SLIT2: variants seen among roughly 807,000 people sequenced by gnomAD.
The protein encoded by SLIT2 is slit guidance ligand 2, also known as slit homolog 2 protein.
In SLIT2, 41 loss-of-function variants were observed where a neutral mutation model predicts 185.7. That is an observed-to-expected ratio of 0.22 (90% CI 0.17 to 0.29). The LOEUF (loss-of-function observed/expected upper bound fraction) is 0.29, where lower values mean the gene tolerates loss of function less well. SLIT2 is among the 10% of genes least tolerant of loss of function. The pLI is 1.00. For missense variants in SLIT2, 1,571 were observed against 1,909.0 expected, an observed-to-expected ratio of 0.82 and a Z score of 3.30; for synonymous variants, 693 against 680.2, an observed-to-expected ratio of 1.02 and a Z score of -0.29.
intron 5 of SLIT2, among the ~76,000 whole-genome samples, chr4:20,480,241 A>C (rs1372959176): frequency 1.3e-5 from 2 of 152,182 alleles, no homozygotes; most frequent in Non-Finnish European, 2.9e-5. Flanking sequence ...TAAAAGAAGG[A>C]AACCTAAAAG....
At chr4:20,409,519 C>T (rs1727034961) in intron 4 of SLIT2, among the ~76,000 whole-genome samples, 1 of 152,106 alleles carries the variant, frequency 6.6e-6, no homozygotes, top group African/African-American at 2.4e-5. Context: ...GTGAATAGGG[C>T]TTCAGTGAAT....
intron 4 of SLIT2, among the ~76,000 whole-genome samples, chr4:20,324,567 C>T (rs1302400484): frequency 6.6e-6 from 1 of 152,084 alleles, no homozygotes; most frequent in Non-Finnish European, 1.5e-5. Context: ...ATCTGTTGTA[C>T]AGCGTGATGA....
intron 9 of SLIT2, 28 bp downstream of exon 9, chr4:20,491,927 C>G: frequency 6.2e-7 from 1 of 1,603,766 alleles, no homozygotes; most frequent in Non-Finnish European, 8.5e-7. Flanking sequence ...TTTCTTATCT[C>G]CCCACCTTCC....
At chr4:20,295,733 CAAT>C (rs1716394777) in intron 4 of SLIT2, among the ~76,000 whole-genome samples, 1 of 151,940 alleles carries the variant, frequency 6.6e-6, no homozygotes, top group Non-Finnish European at 1.5e-5. Context: ...TTGCTGTGCA[CAAT>C]GATTTATTTA....
intron 9 of SLIT2, among the ~76,000 whole-genome samples, chr4:20,494,798 A>G: frequency 6.6e-6 from 1 of 152,030 alleles, no homozygotes; most frequent in Non-Finnish European, 1.5e-5. Context: ...AAAAAGTACT[A>G]AAATAATACA....
At chr4:20,491,993 C>T in intron 9 of SLIT2, 94 bp downstream of exon 9, 1 of 1,213,862 alleles carries the variant, frequency 8.2e-7, no homozygotes, top group South Asian at 1.4e-5. Flanking sequence ...GAAGGCACAT[C>T]TGATCAATTG....
intron 26 of SLIT2, chr4:20,554,339 A>G (rs916014663): frequency 1.3e-5 from 6 of 461,182 alleles, no homozygotes; most frequent in African/African-American, 1.2e-4. Flanking sequence ...TCCTCATACC[A>G]GGTAAGGAGA....
chr4:20,372,094 G>GT (rs1723632018), intron 4 of SLIT2, among the ~76,000 whole-genome samples: 1 of 152,116 alleles, frequency 6.6e-6, no homozygotes, highest in African/African-American at 2.4e-5. Flanking sequence ...CACTTTTAGA[G>GT]TTTAACATCT....
chr4:20,589,576 G>T, intron 29 of SLIT2, 68 bp from the exon 30 acceptor site: 2 of 1,181,408 alleles, frequency 1.7e-6, no homozygotes, highest in South Asian at 2.5e-5. Flanking sequence ...CCATGACAAT[G>T]ACACAGTCTG....
At chr4:20,616,557 G>A in intron 34 of SLIT2, 1 of 174,014 alleles carries the variant, frequency 5.7e-6, no homozygotes, top group Non-Finnish European at 1.2e-5. Context: ...CAAACAGAGA[G>A]GGAACATTCC....
intron 4 of SLIT2, among the ~76,000 whole-genome samples, chr4:20,380,425 A>G (rs536768472): frequency 2.0e-5 from 3 of 152,320 alleles, no homozygotes; most frequent in South Asian, 4.1e-4. Flanking sequence ...GCAGGAAATA[A>G]GACCCATAAA....
At chr4:20,329,452 G>A (rs901362941) in intron 4 of SLIT2, among the ~76,000 whole-genome samples, 2 of 151,958 alleles carry the variant, frequency 1.3e-5, no homozygotes, top group Admixed American at 6.6e-5. Flanking sequence ...TTTACCACAG[G>A]TGTTTGTTGA....
At chr4:20,410,230 T>A (rs1231341480) in intron 4 of SLIT2, among the ~76,000 whole-genome samples, 1 of 143,956 alleles carries the variant, frequency 6.9e-6, no homozygotes, top group Non-Finnish European at 1.5e-5. Context: ...GTTTTTTTTC[T>A]TTTCTTTCTT....
chr4:20,434,474 C>G (rs545448215), intron 4 of SLIT2, among the ~76,000 whole-genome samples: 2 of 151,710 alleles, frequency 1.3e-5, no homozygotes, highest in Non-Finnish European at 2.9e-5. Context: ...GCAACAAGAG[C>G]GAAACTCTGT....
intron 4 of SLIT2, among the ~76,000 whole-genome samples, chr4:20,439,776 C>T (rs915388081): frequency 4.6e-5 from 7 of 152,010 alleles, no homozygotes; most frequent in South Asian, 2.1e-4. Context: ...TATCTGAACC[C>T]GTACAAAGAT....
At chr4:20,429,209 C>G (rs1400474084) in intron 4 of SLIT2, among the ~76,000 whole-genome samples, 1 of 152,066 alleles carries the variant, frequency 6.6e-6, no homozygotes, top group East Asian at 1.9e-4. Flanking sequence ...AAGACTTGTT[C>G]TCGGTGCGAG....
At chr4:20,393,966 G>T (rs1043236411) in intron 4 of SLIT2, among the ~76,000 whole-genome samples, 9 of 151,944 alleles carry the variant, frequency 5.9e-5, no homozygotes, top group Non-Finnish European at 1.0e-4. Context: ...GTTGTGGTTG[G>T]ATCTGTATGC....
chr4:20,417,676 C>T (rs886693037), intron 4 of SLIT2, among the ~76,000 whole-genome samples: 64 of 151,814 alleles, frequency 4.2e-4, no homozygotes, highest in African/African-American at 1.4e-3. Context: ...CGCACCACCA[C>T]GCCCAGCTAA....
chr4:20,351,237 C>T (rs903752508), intron 4 of SLIT2, among the ~76,000 whole-genome samples: 19 of 151,790 alleles, frequency 1.3e-4, no homozygotes, highest in African/African-American at 3.4e-4. Flanking sequence ...TTAGTAGAAA[C>T]GGAGTTTTGC....
Sources: gnomAD v4.1 joint callset for allele counts (sites outside exome capture counted in the v4.1 genomes callset) on GRCh38, gnomAD v4.1.1 for gene constraint, MANE v1.5 for transcripts, NCBI Gene and HGNC (gene_info 2026-07-23, HGNC 2026-07-21) for gene names.